SESTD1: variants seen among roughly 807,000 people sequenced by gnomAD.
The protein encoded by SESTD1 is SEC14 domain and spectrin repeat-containing protein 1.
SESTD1 carries 43 observed loss-of-function variants against 101.7 expected under a neutral mutation model. The ratio of observed to expected loss-of-function variants is 0.42; its 90% CI spans 0.33 to 0.55. The LOEUF (loss-of-function observed/expected upper bound fraction) is 0.55. SESTD1 is among the 20% of genes least tolerant of loss of function. SESTD1 has a pLI of 0.07. For missense variants in SESTD1, 647 were observed against 815.1 expected (o/e 0.79, Z 2.51); for synonymous variants, 283 against 286.8 (o/e 0.99, Z 0.13).
At chr2:179,180,466 G>T (rs2046089137) in intron 3 of SESTD1, among the ~76,000 whole-genome samples, 1 of 152,110 alleles carries the variant, frequency 6.6e-6, no homozygotes, top group African/African-American at 2.4e-5. Context: ...ACAAAAGCAG[G>T]TCACAAAAGA....
chr2:179,230,856 C>A (rs1328692321), intron 1 of SESTD1, among the ~76,000 whole-genome samples: 3 of 151,858 alleles, frequency 2.0e-5, no homozygotes, highest in Non-Finnish European at 2.9e-5. Context: ...GGAAAATTGA[C>A]CTGTTAAAAT....
At chr2:179,220,724 G>A (rs192873946) in intron 1 of SESTD1, among the ~76,000 whole-genome samples, 117 of 152,212 alleles carry the variant, frequency 7.7e-4, no homozygotes, top group South Asian at 2.3e-3. Context: ...CTAATTTCCA[G>A]ATTCCAACCC....
intron 10 of SESTD1, among the ~76,000 whole-genome samples, chr2:179,130,004 A>G (rs376151279): frequency 1.3e-5 from 2 of 152,318 alleles, no homozygotes; most frequent in South Asian, 2.1e-4. Context: ...CAATTCTGAA[A>G]CAAAACCCAA....
At chr2:179,204,713 C>G (rs1289885796) in intron 1 of SESTD1, among the ~76,000 whole-genome samples, 1 of 135,068 alleles carries the variant, frequency 7.4e-6, no homozygotes, top group South Asian at 2.8e-4. Flanking sequence ...TGCTAAGGCA[C>G]CAGCACTTTT....
intron 5 of SESTD1, among the ~76,000 whole-genome samples, chr2:179,155,710 T>C (rs1242909027): frequency 6.6e-6 from 1 of 152,186 alleles, no homozygotes; most frequent in Non-Finnish European, 1.5e-5. Flanking sequence ...AAATCTCTCT[T>C]TTGAGAAATC....
Position 179,107,071 on chromosome 2 carries a change from T to C in SESTD1, c.*2828A>G, listed in dbSNP as rs1236856726. 1 of 152,156 alleles carries C rather than the reference T, an allele frequency of 6.6e-6. No individual in the cohort carries two copies. The highest frequency in any genetic ancestry group is 6.6e-5 in the Admixed American group (1 of 15,266). 9.4% of individuals were successfully genotyped at this position (152,156 alleles called of 1,614,324 possible). On this transcript the variant is annotated 3_prime_UTR_variant, in exon 18 of 18. Coordinates refer to ENST00000428443, the MANE Select transcript of SESTD1 (RefSeq NM_178123.5). Reference sequence around the variant, plus strand: ...GGGAGGTTGTGACATATATACCAATTACAAATGAGTGGTTCTTTCAGAGAC... The same window carrying C: ...GGGAGGTTGTGACATATATACCAATCACAAATGAGTGGTTCTTTCAGAGAC...
At chr2:179,146,587 A>G (rs2045400858) in intron 7 of SESTD1, 130 bp from the exon 8 acceptor site, 1 of 678,032 alleles carries the variant, frequency 1.5e-6, no homozygotes, top group Non-Finnish European at 2.5e-6. Context: ...CCATCCTACC[A>G]TGCTAACTTC....
At position 179,107,281 on chromosome 2, in the gene SESTD1, T is replaced by C. The variant is rs957100036; in HGVS notation, c.*2618A>G. 6.6e-6 allele frequency: 1 copy of C among 152,220 alleles called. No homozygotes were observed. The allele number at this position is 152,220 out of a possible 1,614,324, so 9.4% of individuals were successfully genotyped here. A position where few individuals can be genotyped will look rare whatever the true frequency, so the allele number is the denominator to read the frequency against. ...ACACATATGAAAGCAGCAGCAAATT[T>C]ACAGATGAGGAGCAATGATATTCAT... On this transcript the variant is annotated 3_prime_UTR_variant, in exon 18 of 18. Coordinates refer to ENST00000428443, the MANE Select transcript of SESTD1 (RefSeq NM_178123.5).
chr2:179,176,475 C>T lies in SESTD1; in HGVS notation c.228G>A (p.Val76=). Residue 76 remains valine (V), a synonymous_variant, in exon 4 of 18, where the codon GTG becomes GTA. Coordinates refer to ENST00000428443, the MANE Select transcript of SESTD1 (RefSeq NM_178123.5). ...IVDGRKSQWN[V]VKTVVVMLQN... ...GTAGCATTACGACTACTGTTTTCAC[C>T]ACATTCCACTGTGATTTTCTGCCAT... 2 of 1,613,502 alleles carry T rather than the reference C, an allele frequency of 1.2e-6. No individual in the cohort carries two copies. Among genetic ancestry groups the T allele is most frequent in the Non-Finnish European group, 1.7e-6 (2 of 1,179,770 alleles).
chr2:179,139,997 C>T (rs1020663962), intron 9 of SESTD1, among the ~76,000 whole-genome samples: 4 of 152,172 alleles, frequency 2.6e-5, no homozygotes, highest in Admixed American at 6.5e-5. Context: ...ATCCTTCCTG[C>T]GACACAGAAG....
At chr2:179,262,791 CAG>C (rs1327238811) in intron 1 of SESTD1, among the ~76,000 whole-genome samples, 1 of 152,112 alleles carries the variant, frequency 6.6e-6, no homozygotes. Flanking sequence ...ATTTCATTTT[CAG>C]ATATATCATT....
At chr2:179,134,361 T>C (rs983121166) in intron 9 of SESTD1, among the ~76,000 whole-genome samples, 3 of 152,206 alleles carry the variant, frequency 2.0e-5, no homozygotes, top group Admixed American at 6.5e-5. Context: ...TTCAATGACT[T>C]TGCAAATCCT....
chr2:179,234,081 T>A (rs2047024954), intron 1 of SESTD1, among the ~76,000 whole-genome samples: 1 of 152,170 alleles, frequency 6.6e-6, no homozygotes, highest in South Asian at 2.1e-4. Context: ...GTGGGCCTCA[T>A]CAAATCAGTT....
intron 7 of SESTD1, among the ~76,000 whole-genome samples, chr2:179,148,966 A>C (rs926905125): frequency 8.2e-5 from 12 of 146,918 alleles, no homozygotes; most frequent in African/African-American, 3.0e-4. Context: ...ATGCTGAGGC[A>C]GGAGAATGGC....
In SESTD1 at chr2:179,202,172, T is replaced by C. The variant is rs1043218377; in HGVS notation, c.-25-10306A>G. ...TTTTCTTACGGTATTAATCTGTTCT[T>C]AATAAAACTGCAAGTTTTACTTTTC... On this transcript the variant is annotated intron_variant, in intron 1 of 17. Transcript: ENST00000428443. 1.0e-4 allele frequency among the ~76,000 whole-genome samples: 14 copies of C among 133,640 alleles called. 3 individuals are homozygous for C. Among genetic ancestry groups the C allele is most frequent in the Admixed American group, 5.1e-4 (7 of 13,742 alleles). 87.7% of individuals were successfully genotyped at this position (133,640 alleles called of 152,430 possible). A position where few individuals can be genotyped will look rare whatever the true frequency, so the allele number is the denominator to read the frequency against.
At chr2:179,199,966 G>A (rs913089608) in intron 1 of SESTD1, among the ~76,000 whole-genome samples, 2 of 152,046 alleles carry the variant, frequency 1.3e-5, no homozygotes, top group Admixed American at 1.3e-4. Flanking sequence ...ATTCAATTAG[G>A]AAAAGGGGAA....
chr2:179,203,617 T>C (rs1180097990), intron 1 of SESTD1, among the ~76,000 whole-genome samples: 2 of 134,848 alleles, frequency 1.5e-5, no homozygotes, highest in African/African-American at 2.9e-5. Flanking sequence ...TAATCATAAA[T>C]AAATTGTCTT....
chr2:179,244,132 A>C (rs976310978), intron 1 of SESTD1, among the ~76,000 whole-genome samples: 4 of 151,642 alleles, frequency 2.6e-5, no homozygotes, highest in African/African-American at 9.7e-5. Flanking sequence ...CTAAATCTCT[A>C]AAAAACTGAA....
intron 4 of SESTD1, among the ~76,000 whole-genome samples, chr2:179,175,824 G>A (rs4894081): frequency 0.59 from 89,887 of 152,056 alleles, 28,341 homozygotes; most frequent in South Asian, 0.8. Flanking sequence ...TGTGGAACAT[G>A]AGGAAACATA....
Sources: allele counts gnomAD v4.1 joint callset (sites outside exome capture counted in the v4.1 genomes callset), GRCh38; gene constraint gnomAD v4.1.1; transcripts MANE v1.5; gene names NCBI Gene and HGNC (gene_info 2026-07-23, HGNC 2026-07-21).